The following ENPP6 variants were observed in gnomAD, a reference collection of about 807,000 sequenced individuals.
ENPP6 encodes ectonucleotide pyrophosphatase/phosphodiesterase 6, also known as glycerophosphocholine cholinephosphodiesterase ENPP6.
Under a neutral mutation model 42.0 loss-of-function variants are expected in ENPP6, and 32 were observed. That is an observed-to-expected ratio of 0.76 (90% CI 0.58 to 1.02). The LOEUF is 1.02. Among genes scored for constraint, ENPP6 ranks in the 50% least tolerant of loss-of-function variants. The pLI, the probability that ENPP6 is intolerant of heterozygous loss-of-function variation, is 0.00. For missense variants in ENPP6, 552 were observed against 566.8 expected, an observed-to-expected ratio of 0.97 and a Z score of 0.27; for synonymous variants, 213 against 216.0, an observed-to-expected ratio of 0.99 and a Z score of 0.12.
At chr4:184,176,233 A>C (rs529206491) in intron 1 of ENPP6, among the ~76,000 whole-genome samples, 1 of 152,328 alleles carries the variant, frequency 6.6e-6, no homozygotes, top group South Asian at 2.1e-4. Context: ...TGGCCAACAG[A>C]TCAAGGCCTC....
At chr4:184,131,796 AACAC>A (rs140275578) in intron 2 of ENPP6, among the ~76,000 whole-genome samples, 11 of 140,584 alleles carry the variant, frequency 7.8e-5, no homozygotes, top group South Asian at 4.8e-4. Flanking sequence ...GGACCAATAG[AACAC>A]ACACACACAC....
intron 2 of ENPP6, among the ~76,000 whole-genome samples, chr4:184,147,142 C>T (rs1579634857): frequency 6.6e-6 from 1 of 152,158 alleles, no homozygotes; most frequent in African/African-American, 2.4e-5. Context: ...GAAGAATCAC[C>T]ATCTATGCAG....
intron 6 of ENPP6, among the ~76,000 whole-genome samples, chr4:184,109,606 AC>A (rs1736166112): frequency 6.6e-6 from 1 of 152,052 alleles, no homozygotes; most frequent in African/African-American, 2.4e-5. Flanking sequence ...ATTTTTTCAT[AC>A]CCTATTTATC....
In ENPP6 at chr4:184,126,739, C is replaced by T. The variant is rs540183980; in HGVS notation, c.422-2467G>A. ...AAATTGCAAGACTTGCTAAAGTGAT[C>T]GTCCTTATCATTTCTCACCTGTGAC... is the stretch of plus-strand genomic sequence containing the variant. On this transcript the variant is annotated intron_variant, in intron 2 of 7. Transcript: ENST00000296741. 1.6e-4 allele frequency among the ~76,000 whole-genome samples: 24 copies of T among 152,276 alleles called. No individual in the cohort carries two copies. In the South Asian group the frequency reaches 3.9e-3, roughly 25 times the overall value.
At chr4:184,120,065 A>G (rs1367374533) in intron 3 of ENPP6, among the ~76,000 whole-genome samples, 1 of 152,184 alleles carries the variant, frequency 6.6e-6, no homozygotes, top group Non-Finnish European at 1.5e-5. Flanking sequence ...CACTTGACAC[A>G]TAGTAAAAGG....
At chr4:184,112,939 G>C in intron 5 of ENPP6, 130 bp from the exon 6 acceptor site, 1 of 1,119,944 alleles carries the variant, frequency 8.9e-7, no homozygotes, top group African/African-American at 1.6e-5. Flanking sequence ...TGATAGATTT[G>C]AATATGTAAA....
At position 184,212,497 on chromosome 4, in the gene ENPP6, A is replaced by G. The variant is rs550694942; in HGVS notation, c.241+5082T>C. Reference sequence around the variant, plus strand: ...GTGAACTCCCATTCACAATTGCTTCAAAGAGAATAAAATACCTAGGAATCC... The same window carrying G: ...GTGAACTCCCATTCACAATTGCTTCGAAGAGAATAAAATACCTAGGAATCC... On this transcript the variant is annotated intron_variant, in intron 1 of 7. Transcript: ENST00000296741. Among the ~76,000 whole-genome samples, 437 of 150,946 alleles carry G rather than the reference A, an allele frequency of 2.9e-3. 1 individual carries two copies. Among genetic ancestry groups the G allele is most frequent in the South Asian group, 3.8e-3 (18 of 4,732 alleles).
chr4:184,150,230 G>A (rs1399611231), intron 2 of ENPP6, among the ~76,000 whole-genome samples: 1 of 152,176 alleles, frequency 6.6e-6, no homozygotes, highest in East Asian at 1.9e-4. Context: ...TTGAGGTGGA[G>A]TATGTTGGAC....
intron 3 of ENPP6, among the ~76,000 whole-genome samples, chr4:184,122,850 G>A (rs1026479416): frequency 1.3e-5 from 2 of 152,214 alleles, no homozygotes; most frequent in Non-Finnish European, 2.9e-5. Flanking sequence ...GTTGGAAACA[G>A]CACTGGTTAG....
At chr4:184,188,993 A>G (rs1732677034) in intron 1 of ENPP6, among the ~76,000 whole-genome samples, 1 of 152,172 alleles carries the variant, frequency 6.6e-6, no homozygotes, top group Non-Finnish European at 1.5e-5. Flanking sequence ...TGAAAATGTA[A>G]TTTCCTGGAC....
chr4:184,139,804 G>A (rs1268369849), intron 2 of ENPP6, among the ~76,000 whole-genome samples: 1 of 73,662 alleles, frequency 1.4e-5, no homozygotes, highest in East Asian at 3.4e-4. Context: ...TGTGAATAAT[G>A]CCGCAATAAA....
intron 7 of ENPP6, among the ~76,000 whole-genome samples, chr4:184,095,157 AT>A (rs1037406124): frequency 6.6e-6 from 1 of 152,188 alleles, no homozygotes; most frequent in Non-Finnish European, 1.5e-5. Flanking sequence ...GCCTGGAAAC[AT>A]TTTGCAATTA....
intron 1 of ENPP6, among the ~76,000 whole-genome samples, chr4:184,195,474 G>A (rs991143153): frequency 4.6e-5 from 7 of 152,148 alleles, no homozygotes; most frequent in Non-Finnish European, 8.8e-5. Flanking sequence ...ATTTTTAAGT[G>A]CACACTTCAG....
chr4:184,092,026 C>G (rs542243275), intron 7 of ENPP6, among the ~76,000 whole-genome samples: 1 of 152,210 alleles, frequency 6.6e-6, no homozygotes, highest in Non-Finnish European at 1.5e-5. Flanking sequence ...GCAGAGAGCA[C>G]AGCAGAGCCT....
rs538292891 is a variant in ENPP6 at position 184,145,880 on chromosome 4, G to A, written c.421+7674C>T. On this transcript the variant is annotated intron_variant, in intron 2 of 7. Coordinates refer to ENST00000296741, the MANE Select transcript of ENPP6 (RefSeq NM_153343.4). ...GCCAGTGACTGCCCAAGAATAAATG[G>A]AGTATTATGCAGTTGTGTTGAAACA... 3.7e-4 allele frequency among the ~76,000 whole-genome samples: 56 copies of A among 152,298 alleles called. 1 individual carries two copies. The highest frequency in any genetic ancestry group is 1.8e-3 in the Admixed American group (28 of 15,304).
intron 1 of ENPP6, among the ~76,000 whole-genome samples, chr4:184,166,926 C>T (rs759818738): frequency 9.9e-5 from 15 of 152,210 alleles, no homozygotes; most frequent in Admixed American, 2.0e-4. Context: ...AACCAGGCTC[C>T]GCCTGCAGGT....
rs369177795 is a variant in ENPP6, at chr4:184,186,235, GA to G, written c.241+31343del. On this transcript the variant is annotated intron_variant, in intron 1 of 7. Transcript: ENST00000296741. The stretch of plus-strand genomic sequence containing the variant: ...GGGATACTATTCTGCTGTAAACAAG[GA>G]AAAAACTATGGATACATGTTCCAGT... 4.3e-3 allele frequency among the ~76,000 whole-genome samples: 651 copies of G among 152,142 alleles called. 2 individuals carry two copies. Among genetic ancestry groups the G allele is most frequent in the South Asian group, 0.02 (97 of 4,814 alleles).
intron 1 of ENPP6, among the ~76,000 whole-genome samples, chr4:184,182,628 C>A (rs755185652): frequency 2.6e-5 from 4 of 152,066 alleles, no homozygotes; most frequent in Non-Finnish European, 4.4e-5. Context: ...GAATGATAGA[C>A]TGGATAAGAA....
intron 1 of ENPP6, among the ~76,000 whole-genome samples, chr4:184,168,901 C>T (rs1409673225): frequency 6.6e-6 from 1 of 152,116 alleles, no homozygotes; most frequent in Non-Finnish European, 1.5e-5. Flanking sequence ...GTGCTGTGCC[C>T]CCCGCTTCCT....
Sources: allele counts gnomAD v4.1 joint callset (sites outside exome capture counted in the v4.1 genomes callset), GRCh38; gene constraint gnomAD v4.1.1; transcripts MANE v1.5; gene names NCBI Gene and HGNC (gene_info 2026-07-23, HGNC 2026-07-21).